The following SCN9A variants were observed in gnomAD, a reference collection of about 807,000 sequenced individuals.
SCN9A encodes sodium channel protein type 9 subunit alpha.
Under a neutral mutation model 187.0 loss-of-function variants are expected in SCN9A, and 131 were observed. That is an observed-to-expected ratio of 0.70 (90% confidence interval 0.61 to 0.81). The LOEUF (loss-of-function observed/expected upper bound fraction) is 0.81, where lower values mean the gene tolerates loss of function less well. SCN9A is among the 30% of genes least tolerant of loss of function. SCN9A has a pLI of 0.00. For missense variants in SCN9A, 2,252 were observed against 2,396.6 expected (o/e 0.94, Z 1.26); for synonymous variants, 809 against 808.6 (o/e 1.00, Z -0.01).
intron 19 of SCN9A, among the ~76,000 whole-genome samples, chr2:166,240,937 T>C (rs996311379): frequency 6.6e-6 from 1 of 152,120 alleles, no homozygotes; most frequent in African/African-American, 2.4e-5. Flanking sequence ...ATCAATCCAC[T>C]ATATGTGTAC....
At chr2:166,254,845 ATAAAG>A (rs1439899467) in intron 17 of SCN9A, among the ~76,000 whole-genome samples, 1 of 151,044 alleles carries the variant, frequency 6.6e-6, no homozygotes. Flanking sequence ...CTAGTTATAA[ATAAAG>A]TAAATATAAA....
intron 7 of SCN9A, among the ~76,000 whole-genome samples, chr2:166,295,701 AG>A (rs1698270450): frequency 6.6e-6 from 1 of 152,244 alleles, no homozygotes; most frequent in African/African-American, 2.4e-5. Flanking sequence ...AACATAAGTG[AG>A]TAAAATTTGT....
intron 24 of SCN9A, among the ~76,000 whole-genome samples, chr2:166,211,252 C>G (rs529498120): frequency 2.0e-5 from 3 of 151,916 alleles, no homozygotes; most frequent in Admixed American, 2.0e-4. Context: ...ATTCAAAATA[C>G]TTAAAGAAAA....
rs184760546 is a variant in SCN9A, at chr2:166,338,582, A to G, written c.-50-26776T>C. Among the ~76,000 whole-genome samples the G allele has an allele frequency of 1.8e-3, 277 of 152,298 alleles. 3 individuals carry two copies. The highest frequency in any genetic ancestry group is 1.9e-4 in the Non-Finnish European group (13 of 68,022). ...CTGCCCCACTTCCTATAATGTTAACAATTATATAACCATAGTAATCAAGAA... is the reference window on the plus strand; with the variant it reads ...CTGCCCCACTTCCTATAATGTTAACGATTATATAACCATAGTAATCAAGAA... On this transcript the variant is annotated intron_variant, in intron 1 of 26. Coordinates refer to ENST00000642356, the MANE Select transcript of SCN9A (RefSeq NM_001365536.1).
chr2:166,272,825 A>G lies in SCN9A; in HGVS notation c.2925T>C (p.Asn975=). 1 of 1,518,106 alleles carries G rather than the reference A, an allele frequency of 6.6e-7. No homozygotes were observed. Among genetic ancestry groups the G allele is most frequent in the Non-Finnish European group, 8.8e-7 (1 of 1,137,220 alleles). The allele number at this position is 1,518,106 out of a possible 1,614,324, so 94.0% of individuals were successfully genotyped here. Residue 975 remains asparagine, a synonymous_variant, in exon 17 of 27, where the codon AAT becomes AAC. Coordinates refer to ENST00000642356, the MANE Select transcript of SCN9A (RefSeq NM_001365536.1). ...CAGGGTCTTCTTCAATTGCTGTAAGATTGTCTGAACTAAATGAGCTCAATA... is the reference window on the plus strand; with the variant it reads ...CAGGGTCTTCTTCAATTGCTGTAAGGTTGTCTGAACTAAATGAGCTCAATA... ...ALLLSSFSSD[N]LTAIEEDPDA...
At chr2:166,214,956 C>CAGAT (rs1380514799) in intron 24 of SCN9A, among the ~76,000 whole-genome samples, 1 of 152,000 alleles carries the variant, frequency 6.6e-6, no homozygotes, top group Non-Finnish European at 1.5e-5. Context: ...ATAGATCTAA[C>CAGAT]AGATATTTAT....
intron 18 of SCN9A, chr2:166,248,288 T>C (rs944386231): frequency 6.6e-6 from 1 of 152,106 alleles, no homozygotes; most frequent in African/African-American, 2.4e-5. Flanking sequence ...TAAGTAAACA[T>C]GTTCATGATT....
Position 166,228,749 on chromosome 2 carries a change from T to C in SCN9A, c.4148A>G (p.Lys1383Arg), listed in dbSNP as rs779536952. 12 of 1,613,766 alleles carry C rather than the reference T, an allele frequency of 7.4e-6. No individual in the cohort carries two copies. The African/African-American group carries it at 1.6e-4, about 22-fold the overall frequency. ...LMNVSQNVRWKNLKVNFDNVG... is the reference protein window; with the variant it reads ...LMNVSQNVRWRNLKVNFDNVG... ...ATTATCAAAGTTCACTTTCAGGTTT[T>C]TCCATCGCACATTTTGACTAACATT... The change falls in exon 22 of 27, where the codon AAA becomes AGA. Residue 1383 changes from lysine to arginine, a missense_variant. Transcript: ENST00000642356.
chr2:166,288,641 C>A lies in SCN9A; in HGVS notation c.1110G>T (p.Thr370=). Residue 370 remains threonine, a splice_region_variant and synonymous_variant, in exon 10 of 27, where the codon ACG becomes ACT. Transcript: ENST00000642356. ...QDYWENLYQQ[T]LRAAGKTYMI... ...TGTAGGTTTTGCCAGCAGCACGCAG[C>A]GTCTAGGGAAAAATGGAAATTGTCA... 1 of 1,534,082 alleles carries A rather than the reference C, an allele frequency of 6.5e-7. No homozygotes were observed. Among genetic ancestry groups the A allele is most frequent in the East Asian group, 2.3e-5 (1 of 43,978 alleles).
rs896976419 is a variant in SCN9A at position 166,197,289 on chromosome 2, C to A, written c.*1383G>T. ...TCAAATTACTATTAATAGGTGTTTT[C>A]AAAAAACTAGATGTCTACAGCTAAT... On this transcript the variant is annotated 3_prime_UTR_variant, in exon 27 of 27. Coordinates refer to ENST00000642356, the MANE Select transcript of SCN9A (RefSeq NM_001365536.1). The A allele has an allele frequency of 6.6e-5, 10 of 151,942 alleles. No individual in the cohort carries two copies. The highest frequency in any genetic ancestry group is 1.0e-4 in the Non-Finnish European group (7 of 67,938). 9.4% of individuals were successfully genotyped at this position (151,942 alleles called of 1,614,324 possible). A position where few individuals can be genotyped will look rare whatever the true frequency, so the allele number is the denominator to read the frequency against.
At chr2:166,303,361 AAC>A (rs1173753480) in intron 6 of SCN9A, 59 bp from the exon 7 acceptor site, 1 of 1,338,618 alleles carries the variant, frequency 7.5e-7, no homozygotes, top group Admixed American at 2.1e-5. Flanking sequence ...CGAAACAAAA[AAC>A]ACAAGCTTTC....
chr2:166,201,313 A>G (rs888002930), intron 26 of SCN9A, among the ~76,000 whole-genome samples: 1 of 148,222 alleles, frequency 6.7e-6, no homozygotes, highest in South Asian at 2.1e-4. Flanking sequence ...GTATACGTAT[A>G]TACAGTACAT....
At chr2:166,372,571 CCTTT>C (rs1212599405) in intron 1 of SCN9A, among the ~76,000 whole-genome samples, 13 of 152,102 alleles carry the variant, frequency 8.5e-5, no homozygotes, top group African/African-American at 2.7e-4. Context: ...GTGGTCACTG[CCTTT>C]CTAAGAATGC....
intron 1 of SCN9A, among the ~76,000 whole-genome samples, chr2:166,367,514 C>T (rs181717210): frequency 2.6e-5 from 4 of 152,250 alleles, no homozygotes; most frequent in African/African-American, 9.6e-5. Flanking sequence ...GATCAGCCTG[C>T]CTCAGCCTTC....
At chr2:166,359,900 T>C (rs1250411403) in intron 1 of SCN9A, among the ~76,000 whole-genome samples, 9 of 151,462 alleles carry the variant, frequency 5.9e-5, no homozygotes, top group Admixed American at 5.9e-4. Flanking sequence ...TATAGCCTTT[T>C]AAAATATAGT....
In SCN9A at chr2:166,252,314, T is replaced by C. The variant is rs569191324; in HGVS notation, c.3352-429A>G. ...TGTCAAATTACTAATGCCTGATCATTGAAAGCTCAGATCAAATAGTTGGCA... is the reference window on the plus strand; with the variant it reads ...TGTCAAATTACTAATGCCTGATCATCGAAAGCTCAGATCAAATAGTTGGCA... On this transcript the variant is annotated intron_variant, in intron 17 of 26. Transcript: ENST00000642356. Among the ~76,000 whole-genome samples, 15 of 152,104 alleles carry C rather than the reference T, an allele frequency of 9.9e-5. No homozygotes were observed. The South Asian group carries it at 3.1e-3, about 32-fold the overall frequency.
At chr2:166,249,438 G>T (rs1695939706) in intron 18 of SCN9A, 1 of 152,114 alleles carries the variant, frequency 6.6e-6, no homozygotes, top group Admixed American at 6.6e-5. Flanking sequence ...TGAATACACG[G>T]TTGAAAGGCT....
At chr2:166,220,761 C>T (rs1476038506) in intron 24 of SCN9A, among the ~76,000 whole-genome samples, 1 of 152,052 alleles carries the variant, frequency 6.6e-6, no homozygotes, top group African/African-American at 2.4e-5. Context: ...AGGAATAAGA[C>T]AAATATGGCT....
Position 166,197,555 on chromosome 2 carries a change from A to C in SCN9A, c.*1117T>G, listed in dbSNP as rs1314652353. On this transcript the variant is annotated 3_prime_UTR_variant, in exon 27 of 27. Transcript: ENST00000642356. ...TTCATACTAAACACATATCTGTGTA[A>C]AGTCTGTCATATTACATGATTTGAA... The C allele has an allele frequency of 1.3e-5, 2 of 151,404 alleles. No individual in the cohort carries two copies. Among genetic ancestry groups the C allele is most frequent in the Non-Finnish European group, 3.0e-5 (2 of 67,786 alleles). 9.4% of individuals were successfully genotyped at this position (151,404 alleles called of 1,614,324 possible).
Sources: gnomAD v4.1 joint callset for allele counts (sites outside exome capture counted in the v4.1 genomes callset) on GRCh38, gnomAD v4.1.1 for gene constraint, MANE v1.5 for transcripts, NCBI Gene and HGNC (gene_info 2026-07-23, HGNC 2026-07-21) for gene names.